The following CUX2 variants were observed in gnomAD, a reference collection of about 807,000 sequenced individuals.
The protein encoded by CUX2 is cut like homeobox 2, also known as homeobox protein cut-like 2.
CUX2 carries 40 observed loss-of-function variants against 144.8 expected under a neutral mutation model. The observed-to-expected ratio is 0.28, with a 90% CI of 0.21 to 0.36. The LOEUF (loss-of-function observed/expected upper bound fraction) is 0.36, where lower values mean the gene tolerates loss of function less well. Ranked by LOEUF, CUX2 falls within the 10% of genes least tolerant of loss-of-function variation. The pLI, the probability that CUX2 is intolerant of heterozygous loss-of-function variation, is 1.00. For synonymous variants in CUX2, 827 were observed against 875.6 expected, an observed-to-expected ratio of 0.94 and a Z score of 0.98; for missense variants, 1,615 against 1,994.0, an observed-to-expected ratio of 0.81 and a Z score of 3.62.
chr12:111,141,227 AACACACACAC>A (rs111451932), intron 1 of CUX2, among the ~76,000 whole-genome samples: 5 of 147,354 alleles, frequency 3.4e-5, no homozygotes, highest in Non-Finnish European at 6.0e-5. Context: ...GGCTTAGGTC[AACACACACAC>A]ACACACACAC....
chr12:111,146,783 T>C (rs1015997896), intron 1 of CUX2, among the ~76,000 whole-genome samples: 14 of 152,130 alleles, frequency 9.2e-5, no homozygotes, highest in African/African-American at 3.1e-4. Context: ...TGTGTGACCT[T>C]GATAGAGTTG....
intron 1 of CUX2, among the ~76,000 whole-genome samples, chr12:111,090,441 T>A (rs1479115593): frequency 6.6e-6 from 1 of 152,098 alleles, no homozygotes; most frequent in Admixed American, 6.5e-5. Context: ...TTTTTTGTAT[T>A]TTTAGTAGAG....
intron 1 of CUX2, among the ~76,000 whole-genome samples, chr12:111,042,667 T>A (rs1869807751): frequency 6.6e-6 from 1 of 152,194 alleles, no homozygotes; most frequent in South Asian, 2.1e-4. Flanking sequence ...GGTCTCAGTC[T>A]GTCACCCAGG....
chr12:111,338,512 C>T, intron 20 of CUX2, 38 bp downstream of exon 20: 1 of 1,562,740 alleles, frequency 6.4e-7, no homozygotes, highest in Non-Finnish European at 8.7e-7. Context: ...AGCACTGGGT[C>T]TCAGATTTTC....
At chr12:111,138,461 T>C (rs1049986910) in intron 1 of CUX2, among the ~76,000 whole-genome samples, 3 of 152,018 alleles carry the variant, frequency 2.0e-5, no homozygotes, top group Non-Finnish European at 4.4e-5. Context: ...CGCAGCTCCA[T>C]GGTAAGTGGC....
intron 1 of CUX2, among the ~76,000 whole-genome samples, chr12:111,134,220 A>G (rs1875692107): frequency 6.6e-6 from 1 of 152,196 alleles, no homozygotes; most frequent in Admixed American, 6.5e-5. Context: ...CCAACCAGCC[A>G]ATGTCATTGT....
Position 111,126,105 on chromosome 12 carries a change from G to A in CUX2, c.64-88095G>A, listed in dbSNP as rs566041084. Among the ~76,000 whole-genome samples, 3 of 150,752 alleles carry A rather than the reference G, an allele frequency of 2.0e-5. No individual in the cohort carries two copies. In the South Asian group the frequency reaches 6.3e-4, roughly 32 times the overall value. On this transcript the variant is annotated intron_variant, in intron 1 of 21. Transcript: ENST00000261726. Reference sequence around the variant, plus strand: ...GTGTTCATGGAGGCTGAGAAGTCCCGAGGTCTTTTTTTTTTTTTTTTAAGA... The same window carrying A: ...GTGTTCATGGAGGCTGAGAAGTCCCAAGGTCTTTTTTTTTTTTTTTTAAGA...
intron 1 of CUX2, among the ~76,000 whole-genome samples, chr12:111,118,137 A>C (rs1043223547): frequency 6.6e-6 from 1 of 152,190 alleles, no homozygotes; most frequent in Non-Finnish European, 1.5e-5. Context: ...AGTTTATATC[A>C]GTTCACTAGA....
In CUX2 at chr12:111,178,703, T is replaced by A. The variant is rs1157743699; in HGVS notation, c.64-35497T>A. On this transcript the variant is annotated intron_variant, in intron 1 of 21. Coordinates refer to ENST00000261726, the MANE Select transcript of CUX2 (RefSeq NM_015267.4). The surrounding 1 kb of genome is among the most constrained non-coding windows in gnomAD (Gnocchi z 5.7). Reference sequence around the variant, plus strand: ...GGGTACACAGGTGAACAAGACCGAGTCAGGGTTTAATGAGGGAGATGGACA... The same window carrying A: ...GGGTACACAGGTGAACAAGACCGAGACAGGGTTTAATGAGGGAGATGGACA... 6.6e-6 allele frequency among the ~76,000 whole-genome samples: 1 copy of A among 152,042 alleles called. No individual in the cohort carries two copies. Among genetic ancestry groups the A allele is most frequent in the Non-Finnish European group, 1.5e-5 (1 of 68,024 alleles).
rs1418175534 is a variant in CUX2 at position 111,312,499 on chromosome 12, G to C, written c.2002+298G>C. 6.6e-6 allele frequency among the ~76,000 whole-genome samples: 1 copy of C among 151,986 alleles called. No individual in the cohort carries two copies. Among genetic ancestry groups the C allele is most frequent in the Non-Finnish European group, 1.5e-5 (1 of 68,010 alleles). ...GCTGATCACCTGAGATCAGGAGTTC[G>C]AGACCAGCCTGGCCAACATGGTAAA... On this transcript the variant is annotated intron_variant, in intron 16 of 21. Transcript: ENST00000261726. The surrounding 1 kb of genome is among the most constrained non-coding windows in gnomAD (Gnocchi z 4.3).
intron 1 of CUX2, among the ~76,000 whole-genome samples, chr12:111,199,128 G>A (rs1181704974): frequency 1.3e-5 from 2 of 152,172 alleles, no homozygotes; most frequent in African/African-American, 4.8e-5. Flanking sequence ...GGACAAAGGC[G>A]GCAGTGGGAG....
intron 1 of CUX2, among the ~76,000 whole-genome samples, chr12:111,049,019 A>G (rs545618562): frequency 6.6e-5 from 10 of 152,096 alleles, no homozygotes; most frequent in Admixed American, 4.6e-4. Context: ...CTGCTCTCTC[A>G]TCCACTGTAT....
At chr12:111,141,601 T>C (rs1876321929) in intron 1 of CUX2, among the ~76,000 whole-genome samples, 1 of 152,188 alleles carries the variant, frequency 6.6e-6, no homozygotes, top group African/African-American at 2.4e-5. Flanking sequence ...GGAGTGACTT[T>C]TCCCCCAGGT....
intron 3 of CUX2, among the ~76,000 whole-genome samples, chr12:111,230,494 T>C (rs577694271): frequency 6.6e-6 from 1 of 152,278 alleles, no homozygotes; most frequent in Non-Finnish European, 1.5e-5. Context: ...CCCCTGGTGA[T>C]TATGGGCACA....
chr12:111,310,241 G>T lies in CUX2; in HGVS notation c.1459G>T (p.Gly487Trp), dbSNP rs747563997. ...SLSPFPSLAS[G>W]ERLMMPPAAF... ...GTCCCCCTTCCCCAGCCTGGCATCA[G>T]GGGAGAGACTGATGATGCCCCCAGC... is the stretch of plus-strand genomic sequence containing the variant. Residue 487 changes from glycine to tryptophan, a missense_variant, in exon 15 of 22, where the codon GGG (glycine) becomes TGG (tryptophan). Gly to Trp is a radical substitution (Grantham distance 184, BLOSUM62 -2). Coordinates refer to ENST00000261726, the MANE Select transcript of CUX2 (RefSeq NM_015267.4). This position sits in a 1 kb window ranked among gnomAD's most constrained non-coding sequence, Gnocchi z 7.9. 6.6e-7 allele frequency: 1 copy of T among 1,509,858 alleles called. No individual in the cohort carries two copies. The highest frequency in any genetic ancestry group is 2.3e-5 in the Admixed American group (1 of 44,152). 93.5% of individuals were successfully genotyped at this position (1,509,858 alleles called of 1,614,324 possible). A position where few individuals can be genotyped will look rare whatever the true frequency, so the allele number is the denominator to read the frequency against.
chr12:111,113,118 G>C (rs1012545814), intron 1 of CUX2, among the ~76,000 whole-genome samples: 26 of 152,124 alleles, frequency 1.7e-4, no homozygotes, highest in African/African-American at 6.3e-4. Flanking sequence ...CTGAGGCCTG[G>C]AGCCCCGAAG....
In CUX2 at chr12:111,061,178, G is replaced by GCACACACACACACACACA. The variant is rs10525230; in HGVS notation, c.63+26959_63+26976dup. Among the ~76,000 whole-genome samples the GCACACACACACACACACA allele has an allele frequency of 7.0e-6, 1 of 143,632 alleles. No individual in the cohort carries two copies. Among genetic ancestry groups the GCACACACACACACACACA allele is most frequent in the Non-Finnish European group, 1.5e-5 (1 of 65,290 alleles). The allele number at this position is 143,632 out of a possible 152,430, so 94.2% of individuals were successfully genotyped here. On this transcript the variant is annotated intron_variant, in intron 1 of 21. Coordinates refer to ENST00000261726, the MANE Select transcript of CUX2 (RefSeq NM_015267.4). This position sits in a 1 kb window ranked among gnomAD's most constrained non-coding sequence, Gnocchi z 4.2. ...TGTCCCCAGATGTGTGCATGCATAT[G>GCACACACACACACACACA]CACACACACACACACACACACACAC...
chr12:111,225,150 A>AC (rs1432410985), intron 3 of CUX2, among the ~76,000 whole-genome samples: 1 of 152,114 alleles, frequency 6.6e-6, no homozygotes, highest in Non-Finnish European at 1.5e-5. Flanking sequence ...TGGTAATAGT[A>AC]CCCACTTCAT....
intron 1 of CUX2, among the ~76,000 whole-genome samples, chr12:111,051,848 T>C (rs1202157495): frequency 6.6e-6 from 1 of 152,122 alleles, no homozygotes; most frequent in African/African-American, 2.4e-5. Flanking sequence ...TATTCTCTAA[T>C]GTAGCATTTT....
Sources: gnomAD v4.1 joint callset for allele counts (sites outside exome capture counted in the v4.1 genomes callset) on GRCh38, gnomAD v4.1.1 for gene constraint, Gnocchi (gnomAD v3.1) non-coding constraint, MANE v1.5 for transcripts, NCBI Gene and HGNC (gene_info 2026-07-23, HGNC 2026-07-21) for gene names.